The following FAAH2 variants were observed in gnomAD, a reference collection of about 807,000 sequenced individuals.
FAAH2 encodes fatty acid amide hydrolase 2.
A neutral mutation model predicts 36.9 loss-of-function variants in FAAH2; 60 were observed. The ratio of observed to expected loss-of-function variants is 1.63; its 90% confidence interval spans 1.32 to 2.02. FAAH2 has a LOEUF of 2.02. FAAH2 is among the 30% of genes most tolerant of loss of function. The pLI, the probability that FAAH2 is intolerant of heterozygous loss-of-function variation, is 0.00. For missense variants in FAAH2, 689 were observed against 397.5 expected (o/e 1.73, Z -6.23); for synonymous variants, 214 against 143.8 (o/e 1.49, Z -3.49).
At chrX:57,355,838 AAGAAT>A (rs1307360253) in intron 5 of FAAH2, among the ~76,000 whole-genome samples, 1 of 111,236 alleles carries the variant, frequency 9.0e-6, no homozygotes, top group African/African-American at 3.2e-5. Flanking sequence ...TAGATGGGGC[AAGAAT>A]AGTCATTCCT....
At chrX:57,356,148 T>C (rs924625856) in intron 5 of FAAH2, among the ~76,000 whole-genome samples, 7 of 111,135 alleles carry the variant, frequency 6.3e-5, no homozygotes, top group Non-Finnish European at 1.3e-4. Flanking sequence ...TCTTGTAATG[T>C]GTTCTTGGAT....
the FAAH2 span, among the ~76,000 whole-genome samples, chrX:57,277,792 G>A: frequency 2.7e-5 from 3 of 111,328 alleles, no homozygotes; most frequent in Admixed American, 2.9e-4. Context: ...GACAAACACA[G>A]AAACAAATCA....
chrX:57,434,648 A>G (rs768987365), intron 8 of FAAH2, among the ~76,000 whole-genome samples: 2 of 110,559 alleles, frequency 1.8e-5, no homozygotes, highest in Non-Finnish European at 3.8e-5. Context: ...TGCAAAAATA[A>G]CAATACTTAC....
the FAAH2 span, among the ~76,000 whole-genome samples, chrX:57,270,347 C>T: frequency 1.9e-4 from 21 of 111,674 alleles, no homozygotes; most frequent in South Asian, 1.1e-3. Context: ...GGAGAATGGA[C>T]GCCTCCTTAA....
chrX:57,201,053 G>GTTTTTTTTTTTT, the FAAH2 span, among the ~76,000 whole-genome samples: 1 of 96,542 alleles, frequency 1.0e-5, no homozygotes, highest in Non-Finnish European at 2.1e-5. Flanking sequence ...TAGGGTAAAA[G>GTTTTTTTTTTTT]TTTTTTTTTT....
chrX:57,409,012 G>A (rs929372950), intron 7 of FAAH2, among the ~76,000 whole-genome samples: 1 of 111,038 alleles, frequency 9.0e-6, no homozygotes, highest in African/African-American at 3.3e-5. Flanking sequence ...ACAAACTTTG[G>A]TTATATAGTA....
chrX:57,365,578 G>A (rs931941948), intron 5 of FAAH2, among the ~76,000 whole-genome samples: 5 of 111,672 alleles, frequency 4.5e-5, no homozygotes, highest in South Asian at 3.7e-4. Flanking sequence ...GGTTCTCTGC[G>A]TTTCCTATAT....
At chrX:57,278,456 A>G in the FAAH2 span, among the ~76,000 whole-genome samples, 3 of 111,680 alleles carry the variant, frequency 2.7e-5, no homozygotes, top group African/African-American at 9.7e-5. Flanking sequence ...TAAATGCTAG[A>G]CCTAAAACCA....
intron 10 of FAAH2, among the ~76,000 whole-genome samples, chrX:57,483,561 T>G (rs61536019): frequency 0.36 from 39,365 of 109,295 alleles, 6,199 homozygotes; most frequent in Middle Eastern, 0.6. Flanking sequence ...AGTTTGACTC[T>G]TGTTGATATC....
chrX:57,201,463 A>C, the FAAH2 span, among the ~76,000 whole-genome samples: 1 of 110,450 alleles, frequency 9.1e-6, no homozygotes, highest in South Asian at 3.9e-4. Context: ...CTGCTGCTAC[A>C]CACATTATAT....
chrX:57,352,023 TATATATATATATAC>T (rs2054012170), intron 5 of FAAH2, among the ~76,000 whole-genome samples: 1 of 12,558 alleles, frequency 8.0e-5, no homozygotes, highest in Non-Finnish European at 4.9e-4. Context: ...TGTGTGTGTA[TATATATATATATAC>T]ATATATATAT....
At chrX:57,486,115 C>T (rs1221718286) in intron 10 of FAAH2, among the ~76,000 whole-genome samples, 3 of 111,856 alleles carry the variant, frequency 2.7e-5, no homozygotes, top group African/African-American at 9.7e-5. Context: ...GCATTGCATG[C>T]TGCCTTCCCC....
At chrX:57,360,474 A>C (rs2054261326) in intron 5 of FAAH2, among the ~76,000 whole-genome samples, 1 of 109,117 alleles carries the variant, frequency 9.2e-6, no homozygotes, top group Non-Finnish European at 1.9e-5. Context: ...CCTCTACCAA[A>C]TTTTGCAATT....
chrX:57,264,936 G>A, the FAAH2 span, among the ~76,000 whole-genome samples: 4 of 111,848 alleles, frequency 3.6e-5, no homozygotes, highest in Admixed American at 9.5e-5. Flanking sequence ...TCAGGTACTC[G>A]CATTGGGACT....
chrX:57,186,334 G>C, the FAAH2 span, among the ~76,000 whole-genome samples: 1 of 112,027 alleles, frequency 8.9e-6, no homozygotes, highest in African/African-American at 3.2e-5. Context: ...TGATGAGCTT[G>C]TTTTCATATG....
At chrX:57,398,782 G>A (rs768502011) in intron 7 of FAAH2, among the ~76,000 whole-genome samples, 89 of 111,448 alleles carry the variant, frequency 8.0e-4, no homozygotes, top group African/African-American at 2.5e-3. Context: ...TCGGGTGTGA[G>A]CTAAGTTGCA....
the FAAH2 span, among the ~76,000 whole-genome samples, chrX:57,214,805 A>G: frequency 9.0e-6 from 1 of 111,458 alleles, no homozygotes; most frequent in Non-Finnish European, 1.9e-5. Context: ...TCAACCTTCA[A>G]TAGTTCTGTG....
chrX:57,174,561 T>TG, the FAAH2 span, among the ~76,000 whole-genome samples: 1 of 111,791 alleles, frequency 8.9e-6, no homozygotes, highest in Non-Finnish European at 1.9e-5. Context: ...TATTAATTTT[T>TG]GGGGGGAATC....
the FAAH2 span, among the ~76,000 whole-genome samples, chrX:57,224,458 C>T: frequency 1.8e-5 from 2 of 111,256 alleles, no homozygotes; most frequent in Middle Eastern, 4.2e-3. Context: ...AAGATTCTCC[C>T]GGGGCCTGAA....
Sources: gnomAD v4.1 joint callset for allele counts (sites outside exome capture counted in the v4.1 genomes callset) on GRCh38, gnomAD v4.1.1 for gene constraint, MANE v1.5 for transcripts, NCBI Gene and HGNC (gene_info 2026-07-23, HGNC 2026-07-21) for gene names.